Variants in PLEKHG5 observed in about 807,000 individuals in gnomAD.
PLEKHG5 encodes the protein pleckstrin homology and RhoGEF domain containing G5, also known as pleckstrin homology domain-containing family G member 5.
PLEKHG5 carries 52 observed loss-of-function variants against 103.8 expected under a neutral mutation model. The observed-to-expected ratio is 0.50, with a 90% CI of 0.40 to 0.63. PLEKHG5 has a LOEUF of 0.63. PLEKHG5 is among the 30% of genes least tolerant of loss of function. The probability of loss-of-function intolerance (pLI) is 0.00; values close to 1 mark genes in which losing one functional copy is unlikely to be tolerated. For synonymous variants in PLEKHG5, 592 were observed against 575.5 expected (o/e 1.03, Z -0.41); for missense variants, 1,205 against 1,347.6 (o/e 0.89, Z 1.66).
At chr1:6,494,595 G>A (rs1486895441), upstream of PLEKHG5, among the ~76,000 whole-genome samples, 2 of 152,140 alleles carry the variant, frequency 1.3e-5, no homozygotes, top group Non-Finnish European at 2.9e-5. Flanking sequence ...CATCGACAAT[G>A]TTATTCTTTG....
rs772336763 is a variant in PLEKHG5, at chr1:6,474,093, T to C, written c.511A>G (p.Ile171Val). 3 of 1,612,160 alleles carry C rather than the reference T, an allele frequency of 1.9e-6. No individual in the cohort carries two copies. The change falls in exon 7 of 21, where the codon ATT (isoleucine) becomes GTT (valine). Residue 171 changes from isoleucine to valine, a missense_variant. Coordinates refer to ENST00000377728, the MANE Select transcript of PLEKHG5 (RefSeq NM_020631.6). ...MKDSKSLSLP[I>V]LRPAGTGPPA... Reference sequence around the variant, plus strand: ...GGCCCGGTCCCAGCTGGCCGCAGAATCGGCAAACTCAGGGACTTGGAGTCC... The same window carrying C: ...GGCCCGGTCCCAGCTGGCCGCAGAACCGGCAAACTCAGGGACTTGGAGTCC...
chr1:6,485,633 C>T (rs1246995023), intron 1 of PLEKHG5, among the ~76,000 whole-genome samples: 1 of 150,508 alleles, frequency 6.6e-6, no homozygotes, highest in Non-Finnish European at 1.5e-5. Context: ...CACCCAGCCC[C>T]GGGGATCCCC....
At chr1:6,511,291 C>T (rs1638464494) in intron 1 of PLEKHG5, among the ~76,000 whole-genome samples, 4 of 152,294 alleles carry the variant, frequency 2.6e-5, no homozygotes, top group Middle Eastern at 3.4e-3. Flanking sequence ...CTGATGGGCC[C>T]TGTGCCAGCC....
intron 1 of PLEKHG5, among the ~76,000 whole-genome samples, chr1:6,516,929 T>C (rs546953060): frequency 6.1e-4 from 79 of 130,098 alleles, no homozygotes; most frequent in African/African-American, 2.0e-3. Context: ...CACACACATG[T>C]ACACTTTTGT....
At chr1:6,471,152 G>A (rs1644573404) in intron 12 of PLEKHG5, 52 bp from the exon 13 acceptor site, 2 of 1,418,118 alleles carry the variant, frequency 1.4e-6, no homozygotes, top group African/African-American at 1.4e-5. Flanking sequence ...CTCCCTGCGG[G>A]CCGGCCCGCG....
At position 6,472,532 on chromosome 1, in the gene PLEKHG5, T is replaced by G; in HGVS notation, c.1075A>C (p.Ile359Leu). 6.2e-7 allele frequency: 1 copy of G among 1,610,394 alleles called. No homozygotes were observed. Among genetic ancestry groups the G allele is most frequent in the Non-Finnish European group, 8.5e-7 (1 of 1,176,904 alleles). Reference sequence around the variant, plus strand: ...CCAGCGCAGCCCCTACTCACGTTGATGATCACCCGCAGTTTCCTGATGTAG... The same window carrying G: ...CCAGCGCAGCCCCTACTCACGTTGAGGATCACCCGCAGTTTCCTGATGTAG... ...ASYIRKLRVI[I>L]NLFLCCLLNL... Residue 359 changes from isoleucine to leucine, a missense_variant, in exon 10 of 21, where the codon ATC (isoleucine) becomes CTC (leucine). Coordinates refer to ENST00000377728, the MANE Select transcript of PLEKHG5 (RefSeq NM_020631.6).
rs75091737 is a variant in PLEKHG5, at chr1:6,479,258, G to A, written c.-87-1600C>T. On this transcript the variant is annotated intron_variant, in intron 1 of 20. Coordinates refer to ENST00000377728, the MANE Select transcript of PLEKHG5 (RefSeq NM_020631.6). ...TAGGAACTAATCAAGTTTCACACGT[G>A]GCATTTGGTTATGTCTGTTTATCCT... 8.8e-3 allele frequency among the ~76,000 whole-genome samples: 1,326 copies of A among 151,228 alleles called. 29 individuals are homozygous for A. The highest frequency in any genetic ancestry group is 0.03 in the African/African-American group (1,223 of 41,174).
chr1:6,494,662 C>T (rs1645197925), upstream of PLEKHG5, among the ~76,000 whole-genome samples: 1 of 152,206 alleles, frequency 6.6e-6, no homozygotes, highest in Non-Finnish European at 1.5e-5. Flanking sequence ...CCTCTCCCTT[C>T]CTGGACTGCC....
exon 1 of PLEKHG5, chr1:6,519,917 A>G (rs1369033830): frequency 3.1e-6 from 1 of 321,480 alleles, no homozygotes; most frequent in Non-Finnish European, 6.0e-6. Flanking sequence ...CTTTCCAGGA[A>G]AGCAACACCA....
intron 9 of PLEKHG5, 67 bp from the exon 10 acceptor site, chr1:6,472,689 G>C (rs1644630409): frequency 8.8e-7 from 1 of 1,141,062 alleles, no homozygotes; most frequent in African/African-American, 1.5e-5. Flanking sequence ...GGGAGGATAA[G>C]CAACCTGCAT....
rs745741639 is a variant in PLEKHG5 at position 6,474,807 on chromosome 1, C to T, written c.303-220G>A. ...TGCATACCACGGCAGACCTGTCACACGCCTGCCCACACGCAGGCCTGGCTC... is the reference window on the plus strand; with the variant it reads ...TGCATACCACGGCAGACCTGTCACATGCCTGCCCACACGCAGGCCTGGCTC... On this transcript the variant is annotated intron_variant, in intron 5 of 20. Transcript: ENST00000377728. 239 of 656,708 alleles carry T rather than the reference C, an allele frequency of 3.6e-4. 1 individual carries two copies. The highest frequency in any genetic ancestry group is 5.9e-4 in the Non-Finnish European group (215 of 364,486). 40.7% of individuals were successfully genotyped at this position (656,708 alleles called of 1,614,324 possible).
At chr1:6,474,862 ACAGACCC>A in intron 5 of PLEKHG5, 178 bp downstream of exon 5, 1 of 704,816 alleles carries the variant, frequency 1.4e-6, no homozygotes, top group South Asian at 1.6e-5. Context: ...GCACAAGTAC[ACAGACCC>A]CACCGCACTC....
rs1012199964 is a variant in PLEKHG5 at position 6,477,152 on chromosome 1, C to G, written c.43+377G>C. Reference sequence around the variant, plus strand: ...GTGCCTCCTGACCTGGCCACCCCCACTCCACACTGCCTCTGCTAGGCCCAC... The same window carrying G: ...GTGCCTCCTGACCTGGCCACCCCCAGTCCACACTGCCTCTGCTAGGCCCAC... On this transcript the variant is annotated intron_variant, in intron 2 of 20. Coordinates refer to ENST00000377728, the MANE Select transcript of PLEKHG5 (RefSeq NM_020631.6). Among the ~76,000 whole-genome samples the G allele has an allele frequency of 2.6e-5, 4 of 152,196 alleles. No individual in the cohort carries two copies. In the East Asian group the frequency reaches 7.7e-4, roughly 29 times the overall value.
chr1:6,471,290 T>A, intron 12 of PLEKHG5, 190 bp from the exon 13 acceptor site: 1 of 772,850 alleles, frequency 1.3e-6, no homozygotes, highest in South Asian at 1.6e-5. Context: ...TGGCCAGGGA[T>A]CAGGGGTAGA....
chr1:6,518,780 C>A (rs1465743093), intron 1 of PLEKHG5, among the ~76,000 whole-genome samples: 1 of 152,134 alleles, frequency 6.6e-6, no homozygotes, highest in Non-Finnish European at 1.5e-5. Context: ...AAACAGGTAA[C>A]CCTCCTCTAA....
rs1645040164 is a variant in PLEKHG5 at position 6,486,468 on chromosome 1, G to C, written c.-88+5169C>G. Among the ~76,000 whole-genome samples the C allele has an allele frequency of 6.6e-6, 1 of 152,242 alleles. No individual in the cohort carries two copies. Among genetic ancestry groups the C allele is most frequent in the Non-Finnish European group, 1.5e-5 (1 of 68,046 alleles). ...TCACTGCCCAGGTACGGCAGAGGCC[G>C]AGAGCCAAAGGCCGGTGGCCTCTGG... On this transcript the variant is annotated intron_variant, in intron 1 of 20. Transcript: ENST00000377728. This position sits in a 1 kb window ranked among gnomAD's most constrained non-coding sequence, Gnocchi z 5.3.
intron 1 of PLEKHG5, among the ~76,000 whole-genome samples, chr1:6,518,237 A>C (rs1638680783): frequency 6.7e-6 from 1 of 148,954 alleles, no homozygotes; most frequent in Non-Finnish European, 1.5e-5. Context: ...CGGCCGTGTC[A>C]TGGCGGATAT....
intron 1 of PLEKHG5, among the ~76,000 whole-genome samples, chr1:6,504,149 C>A (rs1638232652): frequency 6.6e-6 from 1 of 152,194 alleles, no homozygotes; most frequent in African/African-American, 2.4e-5. Context: ...GTACCTGCCT[C>A]AGGTAGGCAG....
upstream of PLEKHG5, among the ~76,000 whole-genome samples, chr1:6,501,538 C>T (rs184235191): frequency 6.6e-5 from 10 of 152,348 alleles, no homozygotes; most frequent in Non-Finnish European, 1.0e-4. The surrounding 1 kb of genome is among the most constrained non-coding windows in gnomAD (Gnocchi z 4.3). Flanking sequence ...CACTTGCCAA[C>T]CACCTGCTGG....
Sources: allele counts gnomAD v4.1 joint callset (sites outside exome capture counted in the v4.1 genomes callset), GRCh38; gene constraint gnomAD v4.1.1; non-coding constraint Gnocchi (gnomAD v3.1); transcripts MANE v1.5; gene names NCBI Gene and HGNC (gene_info 2026-07-23, HGNC 2026-07-21).